SEMA5A: variants seen among roughly 807,000 people sequenced by gnomAD.
The protein encoded by SEMA5A is semaphorin 5A, also known as semaphorin-5A.
A neutral mutation model predicts 135.5 loss-of-function variants in SEMA5A; 55 were observed. The observed-to-expected ratio is 0.41, with a 90% confidence interval of 0.33 to 0.51. SEMA5A has a LOEUF of 0.51. SEMA5A is among the 20% of genes least tolerant of loss of function. The pLI is 0.37. For missense variants in SEMA5A, 1,290 were observed against 1,419.9 expected, an observed-to-expected ratio of 0.91 and a Z score of 1.47; for synonymous variants, 580 against 546.5, an observed-to-expected ratio of 1.06 and a Z score of -0.85.
chr5:9,325,174 C>G (rs1752813755), intron 4 of SEMA5A, among the ~76,000 whole-genome samples: 1 of 151,630 alleles, frequency 6.6e-6, no homozygotes, highest in African/African-American at 2.4e-5. Context: ...CAAAGTGTAA[C>G]AGTTCAGTGT....
intron 16 of SEMA5A, among the ~76,000 whole-genome samples, chr5:9,102,056 C>T (rs951123147): frequency 6.6e-5 from 10 of 152,148 alleles, no homozygotes; most frequent in Admixed American, 2.0e-4. Flanking sequence ...AACCCACCTG[C>T]CATCTAAGGC....
intron 6 of SEMA5A, among the ~76,000 whole-genome samples, chr5:9,234,895 G>A (rs960116089): frequency 1.3e-5 from 2 of 152,078 alleles, no homozygotes; most frequent in East Asian, 1.9e-4. Flanking sequence ...TCCGTGAATC[G>A]AGGGTATATT....
In SEMA5A at chr5:9,201,944, A is replaced by G. The variant is rs151260093; in HGVS notation, c.932+11T>C. On this transcript the variant is annotated intron_variant, in intron 9 of 22. Transcript: ENST00000382496. ...AGAGAGAGGGGAGAAAAATTATTTCAAGTTACATACACATTGGTGGTAAAG... is the reference window on the plus strand; with the variant it reads ...AGAGAGAGGGGAGAAAAATTATTTCGAGTTACATACACATTGGTGGTAAAG... 55 of 1,606,268 alleles carry G rather than the reference A, an allele frequency of 3.4e-5. 2 individuals are homozygous for G. In the Middle Eastern group the frequency reaches 4.3e-3, roughly 126 times the overall value.
chr5:9,191,161 G>A (rs1218859972), intron 10 of SEMA5A, among the ~76,000 whole-genome samples: 1 of 152,086 alleles, frequency 6.6e-6, no homozygotes, highest in African/African-American at 2.4e-5. Context: ...AGAGGAGTGG[G>A]GAGAAGAGAG....
intron 8 of SEMA5A, among the ~76,000 whole-genome samples, chr5:9,215,038 A>G (rs900737071): frequency 2.0e-5 from 3 of 152,148 alleles, no homozygotes; most frequent in African/African-American, 7.2e-5. Flanking sequence ...AAGTGAATGC[A>G]TTGTCCATAG....
At chr5:9,268,019 T>A (rs79466242) in intron 5 of SEMA5A, among the ~76,000 whole-genome samples, 1,554 of 152,226 alleles carry the variant, frequency 0.01, 28 homozygotes, top group African/African-American at 0.036. Flanking sequence ...AATTGAGTAA[T>A]AAAAATATGA....
At chr5:9,381,965 TGTGTGTGTGTGTGTGTGCGCGCGCGC>T (rs1342049699) in intron 2 of SEMA5A, among the ~76,000 whole-genome samples, 1 of 128,328 alleles carries the variant, frequency 7.8e-6, no homozygotes, top group African/African-American at 3.3e-5. Flanking sequence ...TGTGTGTGTG[TGTGTGTGTGTGTGTGTGCGCGCGCGC>T]GCACATCAAG....
intron 16 of SEMA5A, among the ~76,000 whole-genome samples, chr5:9,080,886 C>T (rs1028603481): frequency 3.3e-5 from 5 of 152,330 alleles, no homozygotes; most frequent in Admixed American, 3.3e-4. Flanking sequence ...CCCCGAGATT[C>T]CCACCACCTG....
At chr5:9,409,786 C>T (rs539917034) in intron 2 of SEMA5A, among the ~76,000 whole-genome samples, 1 of 149,784 alleles carries the variant, frequency 6.7e-6, no homozygotes. Context: ...GTGTTGTCCG[C>T]GGGGTGCTTT....
chr5:9,334,154 G>A (rs1413287316), intron 4 of SEMA5A, among the ~76,000 whole-genome samples: 4 of 151,874 alleles, frequency 2.6e-5, no homozygotes, highest in Non-Finnish European at 4.4e-5. Flanking sequence ...GGAACATACA[G>A]TATCACTAGT....
chr5:9,379,305 A>G (rs1047350427), intron 3 of SEMA5A, among the ~76,000 whole-genome samples: 5 of 152,290 alleles, frequency 3.3e-5, no homozygotes, highest in African/African-American at 7.2e-5. Context: ...ATAAATTTCA[A>G]TGAATGAAAG....
chr5:9,216,933 A>C (rs1182204065), intron 8 of SEMA5A, among the ~76,000 whole-genome samples: 1 of 152,018 alleles, frequency 6.6e-6, no homozygotes, highest in Non-Finnish European at 1.5e-5. Flanking sequence ...CTCTTTCTCC[A>C]CCTTGCCACT....
At chr5:9,086,973 T>C (rs1308645411) in intron 16 of SEMA5A, among the ~76,000 whole-genome samples, 1 of 152,210 alleles carries the variant, frequency 6.6e-6, no homozygotes, top group East Asian at 1.9e-4. Context: ...TTTTAGACTG[T>C]CAGGCAGCAA....
chr5:9,097,795 T>C (rs1042340621), intron 16 of SEMA5A, among the ~76,000 whole-genome samples: 1 of 152,162 alleles, frequency 6.6e-6, no homozygotes, highest in South Asian at 2.1e-4. Flanking sequence ...AATAGGACTT[T>C]AAAAGGTAGA....
intron 16 of SEMA5A, among the ~76,000 whole-genome samples, chr5:9,095,719 C>G (rs956897877): frequency 1.3e-5 from 2 of 152,328 alleles, no homozygotes; most frequent in South Asian, 4.1e-4. Context: ...AAAATGGAAA[C>G]TGCAAATCTT....
At position 9,176,624 on chromosome 5, in the gene SEMA5A, G is replaced by A. The variant is rs140089617; in HGVS notation, c.1273+13643C>T. Among the ~76,000 whole-genome samples, 11 of 152,354 alleles carry A rather than the reference G, an allele frequency of 7.2e-5. No individual in the cohort carries two copies. In the East Asian group the frequency reaches 2.1e-3, roughly 29 times the overall value. On this transcript the variant is annotated intron_variant, in intron 11 of 22. Coordinates refer to ENST00000382496, the MANE Select transcript of SEMA5A (RefSeq NM_003966.3). ...CCTATTTAACACCTTGTTGAACTGT[G>A]TGTGAAGCCCAGGGTCCCCTCTGAG... is the stretch of plus-strand genomic sequence containing the variant.
At chr5:9,116,088 T>C (rs1740496412) in intron 15 of SEMA5A, among the ~76,000 whole-genome samples, 2 of 152,084 alleles carry the variant, frequency 1.3e-5, no homozygotes, top group Admixed American at 1.3e-4. Context: ...TACCACATGA[T>C]CTTGGAAGTG....
intron 3 of SEMA5A, among the ~76,000 whole-genome samples, chr5:9,348,760 G>T (rs1418995893): frequency 1.3e-5 from 2 of 152,188 alleles, no homozygotes; most frequent in Non-Finnish European, 2.9e-5. Context: ...CAAAGTGCTG[G>T]CTGTGTAAAC....
chr5:9,391,286 T>C lies in SEMA5A; in HGVS notation c.-77-11263A>G, dbSNP rs1756150486. Among the ~76,000 whole-genome samples, 4 of 152,184 alleles carry C rather than the reference T, an allele frequency of 2.6e-5. No homozygotes were observed. In the South Asian group the frequency reaches 8.3e-4, roughly 31 times the overall value. On this transcript the variant is annotated intron_variant, in intron 2 of 22. Coordinates refer to ENST00000382496, the MANE Select transcript of SEMA5A (RefSeq NM_003966.3). ...GCAAATGACGCAATGGCTTTGTCCG[T>C]GTCATGTGCCCTCCTGTCCTTGAGG...
Sources: allele counts gnomAD v4.1 joint callset (sites outside exome capture counted in the v4.1 genomes callset), GRCh38; gene constraint gnomAD v4.1.1; transcripts MANE v1.5; gene names NCBI Gene and HGNC (gene_info 2026-07-23, HGNC 2026-07-21).